The following THOC2 variants were observed in gnomAD, a reference collection of about 807,000 sequenced individuals.
The protein encoded by THOC2 is THO complex 2.
THOC2 carries 10 observed loss-of-function variants against 128.4 expected under a neutral mutation model. That is an observed-to-expected ratio of 0.08 (90% CI 0.05 to 0.13). The LOEUF (loss-of-function observed/expected upper bound fraction) is 0.13, where lower values mean the gene tolerates loss of function less well. THOC2 is among the 10% of genes least tolerant of loss of function. The pLI, the probability that THOC2 is intolerant of heterozygous loss-of-function variation, is 1.00. For synonymous variants in THOC2, 393 were observed against 396.9 expected, an observed-to-expected ratio of 0.99 and a Z score of 0.12; for missense variants, 535 against 1,155.7, an observed-to-expected ratio of 0.46 and a Z score of 7.79.
In THOC2 at chrX:123,600,953, A is replaced by G. The variant is rs2046255185; in HGVS notation, c.*404T>C. The G allele has an allele frequency of 8.9e-6, 1 of 112,646 alleles. No homozygotes were observed. The highest frequency in any genetic ancestry group is 3.2e-5 in the African/African-American group (1 of 30,963). The allele number at this position is 112,646 out of a possible 1,213,427, so 9.3% of individuals were successfully genotyped here. A position where few individuals can be genotyped will look rare whatever the true frequency, so the allele number is the denominator to read the frequency against. On this transcript the variant is annotated 3_prime_UTR_variant, in exon 39 of 39. Coordinates refer to ENST00000245838, the MANE Select transcript of THOC2 (RefSeq NM_001081550.2). ...ACAGTTTTAAAATGAGGTAAAATCA[A>G]AAGGGTTCAACAATTGTTTATTTTC...
intron 9 of THOC2, among the ~76,000 whole-genome samples, chrX:123,670,455 C>A (rs770101228): frequency 1.8e-5 from 2 of 111,825 alleles, no homozygotes; most frequent in South Asian, 7.4e-4. Context: ...CCCATCTCCA[C>A]TAAAAATACA....
chrX:123,654,110 A>G (rs1433641197), intron 12 of THOC2, among the ~76,000 whole-genome samples: 1 of 111,169 alleles, frequency 9.0e-6, no homozygotes, highest in Non-Finnish European at 1.9e-5. Context: ...TTGCAGGGAC[A>G]TGGATGAAGC....
chrX:123,684,514 G>A (rs752485228), intron 8 of THOC2, among the ~76,000 whole-genome samples: 1 of 111,747 alleles, frequency 8.9e-6, no homozygotes, highest in African/African-American at 3.3e-5. Flanking sequence ...CTCCCGAGTA[G>A]TGGGGATTAC....
chrX:123,688,385 C>T (rs182800687), intron 7 of THOC2, among the ~76,000 whole-genome samples: 6 of 112,005 alleles, frequency 5.4e-5, no homozygotes, highest in Admixed American at 3.8e-4. Flanking sequence ...ACACACTGTA[C>T]GATTCCATTT....
chrX:123,704,011 A>G (rs1043986766), intron 3 of THOC2, among the ~76,000 whole-genome samples: 15 of 110,934 alleles, frequency 1.4e-4, no homozygotes, highest in African/African-American at 4.9e-4. Flanking sequence ...CTTTCATAAC[A>G]AAGAGGAAGA....
chrX:123,730,810 A>G (rs1286966956), intron 1 of THOC2, among the ~76,000 whole-genome samples: 2 of 111,908 alleles, frequency 1.8e-5, no homozygotes, highest in South Asian at 3.7e-4. Context: ...CGGGCGTGGT[A>G]GCACGCGCCT....
intron 1 of THOC2, among the ~76,000 whole-genome samples, chrX:123,732,671 C>T (rs910197970): frequency 8.9e-6 from 1 of 111,873 alleles, no homozygotes; most frequent in Admixed American, 9.4e-5. Flanking sequence ...AGAGGGAGCG[C>T]GGAGACCTGC....
At position 123,625,951 on chromosome X, in the gene THOC2, C is replaced by G; in HGVS notation, c.3018G>C (p.Gln1006His). ...GAAGTGTGGAAAAATTTGGAGTTTT[C>G]TGTTGATGTACCAATTCAACAAAAC... is the stretch of plus-strand genomic sequence containing the variant. ...CARFVELVHQQKTPNFSTLLC... is the reference protein window; with the variant it reads ...CARFVELVHQHKTPNFSTLLC... The change falls in exon 25 of 39, where the codon CAG becomes CAC. Residue 1006 changes from glutamine (Q) to histidine (H), a missense_variant. Gln to His is a conservative substitution (Grantham distance 24). Around this residue, in one of 9 missense-constraint regions of THOC2, gnomAD observed 90 missense variants for 298.6 expected, o/e 0.30. Coordinates refer to ENST00000245838, the MANE Select transcript of THOC2 (RefSeq NM_001081550.2). The G allele has an allele frequency of 8.3e-7, 1 of 1,208,844 alleles. No individual in the cohort carries two copies. Among genetic ancestry groups the G allele is most frequent in the Non-Finnish European group, 1.1e-6 (1 of 894,296 alleles).
chrX:123,704,755 G>A (rs944297666), intron 3 of THOC2, among the ~76,000 whole-genome samples: 2 of 111,752 alleles, frequency 1.8e-5, no homozygotes, highest in Non-Finnish European at 3.8e-5. Context: ...CTACTCGGGA[G>A]GCTGAGGCAG....
At position 123,632,151 on chromosome X, in the gene THOC2, C is replaced by T. The variant is rs183702098; in HGVS notation, c.2317-299G>A. ...ATAATAACCATAGGCAAACAGAAGTCAATTCCTTTGCCCTTAAAAGAAGAA... is the reference window on the plus strand; with the variant it reads ...ATAATAACCATAGGCAAACAGAAGTTAATTCCTTTGCCCTTAAAAGAAGAA... On this transcript the variant is annotated intron_variant, in intron 21 of 38. Coordinates refer to ENST00000245838, the MANE Select transcript of THOC2 (RefSeq NM_001081550.2). Among the ~76,000 whole-genome samples the T allele has an allele frequency of 9.0e-5, 10 of 111,022 alleles. No homozygotes were observed. In the East Asian group the frequency reaches 2.8e-3, roughly 31 times the overall value.
chrX:123,686,631 T>C lies in THOC2; in HGVS notation c.685A>G (p.Ile229Val). 2.5e-6 allele frequency: 3 copies of C among 1,207,539 alleles called. No individual in the cohort carries two copies. Among genetic ancestry groups the C allele is most frequent in the Non-Finnish European group, 3.4e-6 (3 of 892,574 alleles). ...CTCATGTAAGATTCTAACAAAGATATAAAGAAGTCATCGTGTTCTGGCCTG... is the reference window on the plus strand; with the variant it reads ...CTCATGTAAGATTCTAACAAAGATACAAAGAAGTCATCGTGTTCTGGCCTG... ...ECRPEHDDFF[I>V]SLLESYMSMC... is the part of the protein sequence containing the mutation. The change falls in exon 8 of 39, where the codon ATA (isoleucine) becomes GTA (valine). Residue 229 changes from isoleucine to valine, a missense_variant. This residue lies in a region of THOC2 where 197 missense variants were observed against 313.4 expected (regional missense o/e 0.63). Coordinates refer to ENST00000245838, the MANE Select transcript of THOC2 (RefSeq NM_001081550.2).
At chrX:123,629,739 CAG>C (rs1253940086) in intron 22 of THOC2, among the ~76,000 whole-genome samples, 3 of 111,246 alleles carry the variant, frequency 2.7e-5, no homozygotes, top group Non-Finnish European at 5.6e-5. Flanking sequence ...GTTGGGAAAA[CAG>C]AGAGTGTTTT....
chrX:123,641,011 C>A (rs2047891253), intron 15 of THOC2, among the ~76,000 whole-genome samples: 1 of 111,771 alleles, frequency 8.9e-6, no homozygotes, highest in South Asian at 3.8e-4. Context: ...TGGTGTCATG[C>A]AATGAAATGT....
chrX:123,716,728 C>CAA (rs777748213), intron 1 of THOC2, among the ~76,000 whole-genome samples: 5 of 34,290 alleles, frequency 1.5e-4, no homozygotes, highest in African/African-American at 2.1e-4. Context: ...GACTCTGTCT[C>CAA]AAAAAAAAAA....
chrX:123,691,975 GAATT>G (rs1378214253), intron 7 of THOC2, among the ~76,000 whole-genome samples: 1 of 111,811 alleles, frequency 8.9e-6, no homozygotes, highest in Non-Finnish European at 1.9e-5. Flanking sequence ...TACAATGGCA[GAATT>G]AAGTAGTTAC....
chrX:123,664,279 T>C (rs751016113), intron 12 of THOC2, among the ~76,000 whole-genome samples: 1 of 112,005 alleles, frequency 8.9e-6, no homozygotes, highest in Admixed American at 9.5e-5. Context: ...GCAATACCAT[T>C]CAGGACATAG....
chrX:123,690,146 T>G (rs1317213767), intron 7 of THOC2, among the ~76,000 whole-genome samples: 2 of 111,244 alleles, frequency 1.8e-5, no homozygotes, highest in Non-Finnish European at 3.8e-5. Flanking sequence ...TGGCCATAGA[T>G]GCCCTCCTTC....
At chrX:123,709,836 T>A (rs1318344141) in intron 2 of THOC2, among the ~76,000 whole-genome samples, 1 of 111,669 alleles carries the variant, frequency 9.0e-6, no homozygotes, top group African/African-American at 3.3e-5. Context: ...ACACATTATA[T>A]ACACGTATCA....
intron 38 of THOC2, chrX:123,610,287 G>A (rs2147531891): frequency 9.4e-6 from 1 of 105,985 alleles, no homozygotes; most frequent in South Asian, 4.1e-4. Context: ...AGCATTAAGT[G>A]CATTACCTAA....
Sources: gnomAD v4.1 joint callset for allele counts (sites outside exome capture counted in the v4.1 genomes callset) on GRCh38, gnomAD v4.1.1 for gene constraint, gnomAD v4.1.1 regional missense constraint, MANE v1.5 for transcripts, NCBI Gene and HGNC (gene_info 2026-07-23, HGNC 2026-07-21) for gene names.